LRP1B: variants seen among roughly 807,000 people sequenced by gnomAD.
LRP1B encodes LDL receptor related protein 1B, also known as low-density lipoprotein receptor-related protein 1B.
A neutral mutation model predicts 556.6 loss-of-function variants in LRP1B; 217 were observed. The ratio of observed to expected loss-of-function variants is 0.39; its 90% CI spans 0.35 to 0.44. LRP1B has a LOEUF of 0.44. LRP1B is among the 20% of genes least tolerant of loss of function. LRP1B has a pLI of 1.00. For synonymous variants in LRP1B, 2,047 were observed against 1,865.8 expected, an observed-to-expected ratio of 1.10 and a Z score of -2.50; for missense variants, 5,053 against 5,620.8, an observed-to-expected ratio of 0.90 and a Z score of 3.23.
At chr2:142,030,453 T>C (rs980512512) in intron 1 of LRP1B, among the ~76,000 whole-genome samples, 2 of 151,940 alleles carry the variant, frequency 1.3e-5, no homozygotes, top group Admixed American at 1.3e-4. Flanking sequence ...CTTTAAATGA[T>C]AAATGGCCCT....
At chr2:141,413,305 C>T (rs1262596140) in intron 3 of LRP1B, among the ~76,000 whole-genome samples, 3 of 152,080 alleles carry the variant, frequency 2.0e-5, no homozygotes, top group Non-Finnish European at 4.4e-5. Flanking sequence ...AGTCCTTAAA[C>T]ATGGAGAACA....
At chr2:142,113,639 A>ACT in intron 1 of LRP1B, among the ~76,000 whole-genome samples, 2 of 151,232 alleles carry the variant, frequency 1.3e-5, no homozygotes, top group African/African-American at 4.8e-5. Context: ...TAACTAACTA[A>ACT]ATAAATAAAT....
chr2:142,060,053 G>T (rs1048822943), intron 1 of LRP1B, among the ~76,000 whole-genome samples: 1 of 152,050 alleles, frequency 6.6e-6, no homozygotes, highest in East Asian at 1.9e-4. Context: ...TGAAAACTCG[G>T]GAGCTCTTGC....
chr2:140,929,612 G>A (rs1694987890), intron 20 of LRP1B, among the ~76,000 whole-genome samples: 1 of 152,012 alleles, frequency 6.6e-6, no homozygotes, highest in Admixed American at 6.6e-5. Context: ...AATCAGACTT[G>A]CAGTTTATGT....
At chr2:141,387,965 A>C (rs1171987432) in intron 3 of LRP1B, among the ~76,000 whole-genome samples, 2 of 152,232 alleles carry the variant, frequency 1.3e-5, no homozygotes, top group East Asian at 3.8e-4. Context: ...CGTATTAAAA[A>C]GATTATATGC....
chr2:141,992,220 A>G (rs1462972450), intron 1 of LRP1B, among the ~76,000 whole-genome samples: 1 of 152,156 alleles, frequency 6.6e-6, no homozygotes, highest in African/African-American at 2.4e-5. Context: ...GCCCACAGAT[A>G]CAGAGAACTG....
At chr2:140,885,946 G>A (rs994230515) in intron 24 of LRP1B, among the ~76,000 whole-genome samples, 192 bp downstream of exon 24, 2 of 151,486 alleles carry the variant, frequency 1.3e-5, no homozygotes, top group African/African-American at 4.9e-5. Context: ...TGAACAGCAC[G>A]AGCGTCACCA....
intron 6 of LRP1B, among the ~76,000 whole-genome samples, chr2:141,223,921 A>G (rs1183242963): frequency 1.3e-5 from 2 of 152,230 alleles, no homozygotes; most frequent in Non-Finnish European, 2.9e-5. Context: ...ACTCAAAACT[A>G]TAAAAACCCT....
At chr2:141,127,412 T>G (rs1471089610) in intron 7 of LRP1B, among the ~76,000 whole-genome samples, 1 of 152,100 alleles carries the variant, frequency 6.6e-6, no homozygotes, top group Non-Finnish European at 1.5e-5. Context: ...GGATTAGAAA[T>G]CATTCTACTA....
chr2:140,236,064 C>T (rs1680684455), intron 89 of LRP1B, among the ~76,000 whole-genome samples: 1 of 150,840 alleles, frequency 6.6e-6, no homozygotes, highest in Non-Finnish European at 1.5e-5. Context: ...TGAAAAATTT[C>T]AGATGTAGGA....
chr2:140,982,308 A>G (rs993849548), intron 17 of LRP1B, 32 bp from the exon 18 acceptor site: 1 of 1,372,972 alleles, frequency 7.3e-7, no homozygotes, highest in East Asian at 2.3e-5. Context: ...CAAAAAATCA[A>G]TTTAGAGGCA....
At position 140,523,263 on chromosome 2, in the gene LRP1B, C is replaced by A. The variant is rs193049344; in HGVS notation, c.8026+2581G>T. ...CATATGCAAATCAATAAGTATGATT[C>A]ACTACATAAACAGAATTAAGAACAA... is the stretch of plus-strand genomic sequence containing the variant. On this transcript the variant is annotated intron_variant, in intron 49 of 90. Transcript: ENST00000389484. Among the ~76,000 whole-genome samples the A allele has an allele frequency of 2.9e-4, 44 of 152,056 alleles. No homozygotes were observed. In the East Asian group the frequency reaches 8.3e-3, roughly 29 times the overall value.
At chr2:140,654,643 A>T (rs748120911) in intron 41 of LRP1B, among the ~76,000 whole-genome samples, 7 of 151,684 alleles carry the variant, frequency 4.6e-5, no homozygotes, top group Non-Finnish European at 8.8e-5. Context: ...AATTCAGAAG[A>T]TTTTTTTTTC....
Position 141,249,356 on chromosome 2 carries a change from G to T in LRP1B, c.464-2002C>A, listed in dbSNP as rs573567965. 2.2e-4 allele frequency among the ~76,000 whole-genome samples: 34 copies of T among 152,302 alleles called. No individual in the cohort carries two copies. In the Middle Eastern group the frequency reaches 0.017, roughly 76 times the overall value. ...TCAGGCCTGTATTCCTAGCACTTTG[G>T]TAGGCCAAGGCGGGCAGATTACTTG... On this transcript the variant is annotated intron_variant, in intron 4 of 90. Transcript: ENST00000389484.
At chr2:140,963,479 T>C (rs1395064706) in intron 18 of LRP1B, among the ~76,000 whole-genome samples, 1 of 152,066 alleles carries the variant, frequency 6.6e-6, no homozygotes, top group Non-Finnish European at 1.5e-5. Context: ...AATGGAGATA[T>C]TAATGCTGCT....
rs1026810950 is a variant in LRP1B, at chr2:141,105,079, A to G, written c.1014-42806T>C. Among the ~76,000 whole-genome samples the G allele has an allele frequency of 2.0e-5, 3 of 152,214 alleles. No individual in the cohort carries two copies. The East Asian group carries it at 5.8e-4, about 29-fold the overall frequency. ...TGATGACTGTATTATAGTAATATCC[A>G]ATAAGTACTACATAATAATTGCTAA... is the stretch of plus-strand genomic sequence containing the variant. On this transcript the variant is annotated intron_variant, in intron 7 of 90. Transcript: ENST00000389484.
chr2:140,529,835 G>A (rs1409453909), intron 47 of LRP1B, among the ~76,000 whole-genome samples: 3 of 151,926 alleles, frequency 2.0e-5, no homozygotes, highest in African/African-American at 7.3e-5. Flanking sequence ...GCAACCAGAA[G>A]AGGAGTACAA....
At chr2:140,509,317 A>G (rs1689554827) in intron 52 of LRP1B, among the ~76,000 whole-genome samples, 1 of 152,192 alleles carries the variant, frequency 6.6e-6, no homozygotes, top group South Asian at 2.1e-4. Context: ...AAAGGAATTC[A>G]TCTAAATTTT....
At chr2:140,288,114 C>T (rs897366734) in intron 84 of LRP1B, among the ~76,000 whole-genome samples, 1 of 148,328 alleles carries the variant, frequency 6.7e-6, no homozygotes, top group Non-Finnish European at 1.5e-5. Flanking sequence ...CATCTTTATA[C>T]CCTTGGACTC....
Sources: allele counts gnomAD v4.1 joint callset (sites outside exome capture counted in the v4.1 genomes callset), GRCh38; gene constraint gnomAD v4.1.1; transcripts MANE v1.5; gene names NCBI Gene and HGNC (gene_info 2026-07-23, HGNC 2026-07-21).